The following ELMO1 variants were observed in gnomAD, a reference collection of about 807,000 sequenced individuals.
ELMO1 encodes engulfment and cell motility 1, also known as engulfment and cell motility protein 1.
In ELMO1, 26 loss-of-function variants were observed where a neutral mutation model predicts 98.9. The ratio of observed to expected loss-of-function variants is 0.26; its 90% confidence interval spans 0.19 to 0.36. The LOEUF is 0.36. Among genes scored for constraint, ELMO1 ranks in the 10% least tolerant of loss-of-function variants. The pLI, the probability that ELMO1 is intolerant of heterozygous loss-of-function variation, is 1.00. For synonymous variants in ELMO1, 346 were observed against 346.0 expected (o/e 1.00, Z 0.00); for missense variants, 627 against 935.2 (o/e 0.67, Z 4.30).
At chr7:37,090,912 C>T (rs542390071) in intron 15 of ELMO1, among the ~76,000 whole-genome samples, 2 of 152,210 alleles carry the variant, frequency 1.3e-5, no homozygotes, top group Admixed American at 1.3e-4. Flanking sequence ...CCACAGTGAC[C>T]CTGATCCTGA....
At chr7:37,212,976 T>C (rs532439590) in intron 12 of ELMO1, among the ~76,000 whole-genome samples, 7 of 152,218 alleles carry the variant, frequency 4.6e-5, no homozygotes, top group African/African-American at 1.4e-4. Context: ...ACAGAATCAA[T>C]GCCACATAGA....
chr7:37,210,035 G>A (rs1220388299), intron 13 of ELMO1, among the ~76,000 whole-genome samples: 4 of 152,088 alleles, frequency 2.6e-5, no homozygotes, highest in Non-Finnish European at 4.4e-5. Flanking sequence ...TGGACAGAGT[G>A]TTAGTTTTTT....
chr7:37,029,831 T>C (rs1452702466), intron 15 of ELMO1, among the ~76,000 whole-genome samples: 1 of 152,160 alleles, frequency 6.6e-6, no homozygotes, highest in Non-Finnish European at 1.5e-5. Flanking sequence ...AAATGTATGT[T>C]TGTGAAGAAT....
At chr7:37,061,463 T>G (rs574955616) in intron 15 of ELMO1, among the ~76,000 whole-genome samples, 2 of 152,150 alleles carry the variant, frequency 1.3e-5, no homozygotes, top group Non-Finnish European at 2.9e-5. Context: ...TTCAATCCCA[T>G]GGTGGTAGCA....
chr7:37,353,679 G>C (rs1469589520), intron 1 of ELMO1: 1 of 152,066 alleles, frequency 6.6e-6, no homozygotes, highest in Non-Finnish European at 1.5e-5. Context: ...TCCCTTATCT[G>C]GCCCCACCCA....
Position 37,400,044 on chromosome 7 carries a change from C to T in ELMO1, c.-74+48631G>A, listed in dbSNP as rs1803457997. On this transcript the variant is annotated intron_variant, in intron 1 of 21. Coordinates refer to ENST00000310758, the MANE Select transcript of ELMO1 (RefSeq NM_014800.11). ...ACAAGCTTCTGGGAGACTTTAGCTC[C>T]AGCTCTGACACTTCCTAGCTATTTA... Among the ~76,000 whole-genome samples the T allele has an allele frequency of 2.0e-5, 3 of 152,184 alleles. No homozygotes were observed. In the South Asian group the frequency reaches 6.2e-4, roughly 31 times the overall value.
intron 1 of ELMO1, chr7:37,352,887 G>C (rs982406936): frequency 6.6e-6 from 1 of 152,226 alleles, no homozygotes; most frequent in Non-Finnish European, 1.5e-5. Context: ...AATCTGTGGT[G>C]ACTTGGGACC....
chr7:37,252,130 C>A (rs1209124791), intron 6 of ELMO1, among the ~76,000 whole-genome samples: 2 of 152,140 alleles, frequency 1.3e-5, no homozygotes, highest in African/African-American at 4.8e-5. Context: ...TAGAAAGAAT[C>A]AATATCATGA....
At chr7:36,978,610 C>T (rs896786788) in intron 16 of ELMO1, among the ~76,000 whole-genome samples, 4 of 152,098 alleles carry the variant, frequency 2.6e-5, no homozygotes, top group Admixed American at 1.3e-4. Context: ...GATTTATGGG[C>T]CATCTGCTGA....
rs59762953 is a variant in ELMO1 at position 36,884,314 on chromosome 7, CAAAA to C, written c.1714+3242_1714+3245del. Among the ~76,000 whole-genome samples the C allele has an allele frequency of 2.3e-4, 30 of 127,756 alleles. No homozygotes were observed. The South Asian group carries it at 7.2e-3, about 31-fold the overall frequency. The allele number at this position is 127,756 out of a possible 152,430, so 83.8% of individuals were successfully genotyped here. On this transcript the variant is annotated intron_variant, in intron 18 of 21. Transcript: ENST00000310758. ...CCTGGGTGACAGAGCGAGACTGTCT[CAAAA>C]AAAAAAAAAAAATCTATATTCTGAG...
chr7:37,121,477 T>C (rs546959454), intron 14 of ELMO1, among the ~76,000 whole-genome samples: 1 of 152,044 alleles, frequency 6.6e-6, no homozygotes, highest in African/African-American at 2.4e-5. Flanking sequence ...ACATGATAAA[T>C]GCACAAGCTT....
At chr7:37,022,700 C>T (rs1429358624) in intron 15 of ELMO1, among the ~76,000 whole-genome samples, 2 of 152,210 alleles carry the variant, frequency 1.3e-5, no homozygotes, top group Admixed American at 6.5e-5. Context: ...AATATTCTTA[C>T]TTTATAATAC....
chr7:36,918,622 T>C (rs1784896074), intron 16 of ELMO1, among the ~76,000 whole-genome samples: 1 of 152,224 alleles, frequency 6.6e-6, no homozygotes, highest in Admixed American at 6.5e-5. Context: ...CAGTACATTT[T>C]GAAAAGCATT....
chr7:37,338,336 A>T (rs1040941789), intron 2 of ELMO1, among the ~76,000 whole-genome samples: 9 of 152,130 alleles, frequency 5.9e-5, no homozygotes, highest in African/African-American at 9.7e-5. Flanking sequence ...CCTGGCCCCC[A>T]TGGTGGTGGT....
chr7:37,265,551 G>A (rs112661297), intron 5 of ELMO1, among the ~76,000 whole-genome samples: 2,549 of 151,978 alleles, frequency 0.017, 29 homozygotes, highest in Non-Finnish European at 0.028. Flanking sequence ...CTCTCATGAG[G>A]CGTCCCTGTC....
At chr7:37,160,357 A>C (rs1216431481) in intron 13 of ELMO1, among the ~76,000 whole-genome samples, 1 of 152,238 alleles carries the variant, frequency 6.6e-6, no homozygotes, top group Non-Finnish European at 1.5e-5. Flanking sequence ...CCACAAATGA[A>C]TCTTTCCTGA....
intron 16 of ELMO1, among the ~76,000 whole-genome samples, chr7:36,975,580 C>T (rs1430612062): frequency 1.3e-5 from 2 of 152,118 alleles, no homozygotes; most frequent in African/African-American, 4.8e-5. Context: ...GGAGCCATGG[C>T]TCATGTCTAT....
Position 37,166,713 on chromosome 7 carries a change from T to C in ELMO1, c.1087-33479A>G, listed in dbSNP as rs549503961. Among the ~76,000 whole-genome samples the C allele has an allele frequency of 2.6e-5, 4 of 152,350 alleles. No individual in the cohort carries two copies. The East Asian group carries it at 7.7e-4, about 29-fold the overall frequency. On this transcript the variant is annotated intron_variant, in intron 13 of 21. Coordinates refer to ENST00000310758, the MANE Select transcript of ELMO1 (RefSeq NM_014800.11). ...CTGTGGTCTGAGAGATAGTTTCTTA[T>C]AATTTCTGCTCTTTTACATTTGATG...
intron 10 of ELMO1, among the ~76,000 whole-genome samples, chr7:37,220,853 T>C (rs1211004335): frequency 6.6e-6 from 1 of 152,132 alleles, no homozygotes; most frequent in Non-Finnish European, 1.5e-5. Context: ...GAGATCAGAA[T>C]GCAACCTTCC....
Sources: allele counts gnomAD v4.1 joint callset (sites outside exome capture counted in the v4.1 genomes callset), GRCh38; gene constraint gnomAD v4.1.1; transcripts MANE v1.5; gene names NCBI Gene and HGNC (gene_info 2026-07-23, HGNC 2026-07-21).